Variants in PPM1H observed in about 807,000 individuals in gnomAD.
PPM1H encodes protein phosphatase 1H.
Under a neutral mutation model 54.9 loss-of-function variants are expected in PPM1H, and 27 were observed. The observed-to-expected ratio is 0.49, with a 90% confidence interval of 0.36 to 0.68. The LOEUF is 0.68. PPM1H is among the 30% of genes least tolerant of loss of function. PPM1H has a pLI of 0.00. For missense variants in PPM1H, 596 were observed against 667.8 expected, an observed-to-expected ratio of 0.89 and a Z score of 1.19; for synonymous variants, 305 against 270.8, an observed-to-expected ratio of 1.13 and a Z score of -1.24.
chr12:62,754,263 T>A (rs188098796), intron 4 of PPM1H, among the ~76,000 whole-genome samples: 17 of 151,946 alleles, frequency 1.1e-4, no homozygotes, highest in African/African-American at 3.9e-4. Flanking sequence ...AAGGAGAGAG[T>A]TGGTATCCAG....
intron 2 of PPM1H, among the ~76,000 whole-genome samples, chr12:62,818,151 A>T (rs2076881811): frequency 6.6e-6 from 1 of 152,322 alleles, no homozygotes; most frequent in Non-Finnish European, 1.5e-5. Context: ...TTTCCCACCC[A>T]CGCATCTTAT....
At chr12:62,858,405 A>C (rs1233428694) in intron 1 of PPM1H, among the ~76,000 whole-genome samples, 2 of 152,060 alleles carry the variant, frequency 1.3e-5, no homozygotes, top group African/African-American at 2.4e-5. Flanking sequence ...ATTTAGGCTC[A>C]TTTTTCAGCC....
intron 9 of PPM1H, among the ~76,000 whole-genome samples, chr12:62,657,032 C>T (rs192853571): frequency 2.6e-5 from 4 of 152,130 alleles, no homozygotes; most frequent in Non-Finnish European, 5.9e-5. Context: ...CAGCTTCTGT[C>T]CCCTGTCAGG....
At chr12:62,689,576 G>A (rs1212365332) in intron 8 of PPM1H, 123 bp downstream of exon 8, 11 of 665,134 alleles carry the variant, frequency 1.7e-5, no homozygotes, top group East Asian at 8.3e-5. Flanking sequence ...AGACGTGAGA[G>A]ATACAGTGGA....
chr12:62,750,486 C>T (rs993204572), intron 4 of PPM1H, among the ~76,000 whole-genome samples: 6 of 152,240 alleles, frequency 3.9e-5, no homozygotes, highest in African/African-American at 1.4e-4. Flanking sequence ...AATATTCCAT[C>T]ACATGAACAC....
chr12:62,738,868 C>T (rs2076365201), intron 4 of PPM1H, among the ~76,000 whole-genome samples: 1 of 152,198 alleles, frequency 6.6e-6, no homozygotes, highest in Middle Eastern at 3.4e-3. Flanking sequence ...AGTGCAGAGG[C>T]AGTTCCTGAC....
At chr12:62,797,184 A>T (rs1254555121) in intron 3 of PPM1H, among the ~76,000 whole-genome samples, 1 of 152,170 alleles carries the variant, frequency 6.6e-6, no homozygotes, top group Non-Finnish European at 1.5e-5. Flanking sequence ...GCTCTTATAA[A>T]TAAAGCAAAA....
At chr12:62,920,575 G>A (rs1871763658) in intron 1 of PPM1H, among the ~76,000 whole-genome samples, 1 of 147,212 alleles carries the variant, frequency 6.8e-6, no homozygotes, top group Non-Finnish European at 1.5e-5. Context: ...ACCTGCATTG[G>A]CCTCCCAAAG....
intron 1 of PPM1H, among the ~76,000 whole-genome samples, chr12:62,834,172 G>A (rs997324494): frequency 6.6e-6 from 1 of 152,120 alleles, no homozygotes; most frequent in African/African-American, 2.4e-5. Context: ...TTGTCCTGGG[G>A]CTTGTCAAAT....
chr12:62,717,417 G>A (rs2076241151), intron 6 of PPM1H, among the ~76,000 whole-genome samples: 1 of 151,992 alleles, frequency 6.6e-6, no homozygotes, highest in Admixed American at 6.6e-5. Context: ...TAGCCCATTT[G>A]TGGACTGTTT....
chr12:62,798,306 A>G (rs562403133), intron 3 of PPM1H, among the ~76,000 whole-genome samples: 1 of 152,222 alleles, frequency 6.6e-6, no homozygotes, highest in Admixed American at 6.5e-5. Flanking sequence ...AAATCAATAA[A>G]TCAACACTTT....
chr12:62,719,864 A>C (rs949891312), intron 6 of PPM1H, among the ~76,000 whole-genome samples: 4 of 152,204 alleles, frequency 2.6e-5, no homozygotes, highest in Admixed American at 1.3e-4. Context: ...CCTGACCTAA[A>C]CACATAAAGC....
At chr12:62,899,503 A>G (rs922363022) in intron 1 of PPM1H, among the ~76,000 whole-genome samples, 8 of 152,256 alleles carry the variant, frequency 5.3e-5, no homozygotes, top group Non-Finnish European at 1.5e-5. Context: ...AGTCTGACTG[A>G]CAAACCTCAG....
At chr12:62,728,170 C>T (rs2076300368) in intron 5 of PPM1H, among the ~76,000 whole-genome samples, 1 of 152,158 alleles carries the variant, frequency 6.6e-6, no homozygotes, top group African/African-American at 2.4e-5. Context: ...ATAACCTCTG[C>T]CCTAGCAAGA....
rs764233555 is a variant in PPM1H at position 62,801,878 on chromosome 12, C to CGGTAAA, written c.688_693dup (p.Phe230_Thr231dup). The CGGTAAA allele has an allele frequency of 5.3e-5, 85 of 1,613,820 alleles. No individual in the cohort carries two copies. The highest frequency in any genetic ancestry group is 6.9e-5 in the Non-Finnish European group (81 of 1,179,822). ...AGGCACTCATGGGGAATCTTCTTCT[C>CGGTAAA]GGTAAAGAAGCGTGTGGGGGGCGTG... On this transcript the variant is annotated inframe_insertion, in exon 3 of 10. Coordinates refer to ENST00000228705, the MANE Select transcript of PPM1H (RefSeq NM_020700.2).
At chr12:62,705,112 C>T (rs971245607) in intron 6 of PPM1H, among the ~76,000 whole-genome samples, 1 of 152,246 alleles carries the variant, frequency 6.6e-6, no homozygotes, top group Non-Finnish European at 1.5e-5. Flanking sequence ...GTTAACCCAA[C>T]ATATGCACAA....
At chr12:62,673,749 AG>A (rs1233500762) in intron 8 of PPM1H, among the ~76,000 whole-genome samples, 2 of 44,500 alleles carry the variant, frequency 4.5e-5, no homozygotes, top group Non-Finnish European at 1.1e-4. Flanking sequence ...TTTTTGAGAC[AG>A]GGTCTTGCTG....
chr12:62,800,501 T>A (rs1407384475), intron 3 of PPM1H, among the ~76,000 whole-genome samples: 1 of 152,092 alleles, frequency 6.6e-6, no homozygotes, highest in Admixed American at 6.6e-5. Context: ...CACGCCCGAC[T>A]AATTTTTTTG....
chr12:62,808,527 G>A (rs2076818644), intron 2 of PPM1H, among the ~76,000 whole-genome samples: 2 of 152,188 alleles, frequency 1.3e-5, no homozygotes, highest in East Asian at 3.9e-4. Flanking sequence ...TGCTCTGTGG[G>A]CTGGCTCCTG....
Sources: allele counts gnomAD v4.1 joint callset (sites outside exome capture counted in the v4.1 genomes callset), GRCh38; gene constraint gnomAD v4.1.1; transcripts MANE v1.5; gene names NCBI Gene and HGNC (gene_info 2026-07-23, HGNC 2026-07-21).